TMEM273: variants seen among roughly 807,000 people sequenced by gnomAD.
The protein encoded by TMEM273 is transmembrane protein 273.
In TMEM273, 19 loss-of-function variants were observed where a neutral mutation model predicts 17.9. That is an observed-to-expected ratio of 1.06 (90% CI 0.74 to 1.55). The LOEUF (loss-of-function observed/expected upper bound fraction) is 1.55, where lower values mean the gene tolerates loss of function less well. Ranked by LOEUF, TMEM273 falls within the 40% of genes most tolerant of loss-of-function variation. The pLI is 0.00. For missense variants in TMEM273, 194 were observed against 155.6 expected, an observed-to-expected ratio of 1.25 and a Z score of -1.31; for synonymous variants, 66 against 62.0, an observed-to-expected ratio of 1.07 and a Z score of -0.31.
At chr10:49,179,446 G>T (rs1193762525) in intron 1 of TMEM273, among the ~76,000 whole-genome samples, 1 of 152,220 alleles carries the variant, frequency 6.6e-6, no homozygotes, top group Non-Finnish European at 1.5e-5. Flanking sequence ...AGGACTGTGT[G>T]TCTGAGGGAG....
At chr10:49,171,658 A>C (rs76663035) in intron 1 of TMEM273, among the ~76,000 whole-genome samples, 5,120 of 152,336 alleles carry the variant, frequency 0.034, 263 homozygotes, top group African/African-American at 0.11. Context: ...CTCTCCCAAC[A>C]GCAAGAAGCC....
At chr10:49,164,740 G>A (rs866162920) in intron 5 of TMEM273, among the ~76,000 whole-genome samples, 25 of 152,008 alleles carry the variant, frequency 1.6e-4, no homozygotes, top group African/African-American at 5.6e-4. Context: ...CCTTCCGCAC[G>A]TAGCCTGAGG....
At chr10:49,167,064 G>A in intron 2 of TMEM273, 55 bp from the exon 3 acceptor site, 1 of 1,598,234 alleles carries the variant, frequency 6.3e-7, no homozygotes, top group South Asian at 1.1e-5. Flanking sequence ...AGCTCCCTCT[G>A]CATTCCAGAT....
intron 6 of TMEM273, among the ~76,000 whole-genome samples, chr10:49,158,187 TG>T (rs1564617655): frequency 4.6e-5 from 7 of 152,260 alleles, no homozygotes; most frequent in African/African-American, 1.4e-4. Context: ...TAATTTTTTA[TG>T]AAAAAATTAT....
intron 3 of TMEM273, chr10:49,166,389 C>T (rs1305614937): frequency 8.6e-5 from 18 of 209,528 alleles, no homozygotes; most frequent in Middle Eastern, 1.9e-3. Flanking sequence ...TTCATCTTGA[C>T]CCACAAAGGC....
chr10:49,168,198 C>T (rs1846322715), intron 1 of TMEM273, among the ~76,000 whole-genome samples: 1 of 152,176 alleles, frequency 6.6e-6, no homozygotes, highest in East Asian at 1.9e-4. Context: ...AGCACAGTTT[C>T]CAAGACCTGA....
At chr10:49,186,217 C>A (rs556139543) in intron 1 of TMEM273, among the ~76,000 whole-genome samples, 75 of 152,256 alleles carry the variant, frequency 4.9e-4, no homozygotes, top group African/African-American at 1.8e-3. Context: ...TCATCCGTGT[C>A]AGCTCATAGA....
chr10:49,156,433 T>G (rs1355463631), intron 6 of TMEM273, among the ~76,000 whole-genome samples: 1 of 152,172 alleles, frequency 6.6e-6, no homozygotes, highest in Non-Finnish European at 1.5e-5. Context: ...GAAGAGAAGA[T>G]GAGTCAACAA....
chr10:49,184,395 G>A (rs958080223), intron 1 of TMEM273, among the ~76,000 whole-genome samples: 1 of 152,084 alleles, frequency 6.6e-6, no homozygotes, highest in Non-Finnish European at 1.5e-5. Context: ...GAAGATATTT[G>A]GAACACATGA....
chr10:49,172,850 T>C (rs1290628976), intron 1 of TMEM273, among the ~76,000 whole-genome samples: 3 of 151,960 alleles, frequency 2.0e-5, no homozygotes, highest in African/African-American at 7.3e-5. Context: ...ATGGGCAAAG[T>C]GGGGGAGCCA....
In TMEM273 at chr10:49,180,264, A is replaced by G. The variant is rs150405146; in HGVS notation, c.43+8030T>C. ...AGCAGTGATGAGCCTGGGTACTCCCAGCAGGGTGCTGTCTGCAAGTGCTAA... is the reference window on the plus strand; with the variant it reads ...AGCAGTGATGAGCCTGGGTACTCCCGGCAGGGTGCTGTCTGCAAGTGCTAA... On this transcript the variant is annotated intron_variant, in intron 1 of 6. Transcript: ENST00000374153. Among the ~76,000 whole-genome samples, 311 of 152,356 alleles carry G rather than the reference A, an allele frequency of 2.0e-3. 3 individuals are homozygous for G. The highest frequency in any genetic ancestry group is 7.3e-3 in the African/African-American group (303 of 41,584).
chr10:49,161,489 C>T lies in TMEM273; in HGVS notation c.372+110G>A, dbSNP rs569263443. 65 of 1,415,160 alleles carry T rather than the reference C, an allele frequency of 4.6e-5. No homozygotes were observed. In the South Asian group the frequency reaches 6.7e-4, roughly 15 times the overall value. 87.7% of individuals were successfully genotyped at this position (1,415,160 alleles called of 1,614,324 possible). On this transcript the variant is annotated intron_variant, in intron 6 of 6. Transcript: ENST00000374153. ...GGCTCCTGGCCATGCCATGGTTGCCCGTCCCACGTGGCCAGGGGAGGGAGA... is the reference window on the plus strand; with the variant it reads ...GGCTCCTGGCCATGCCATGGTTGCCTGTCCCACGTGGCCAGGGGAGGGAGA...
At position 49,163,993 on chromosome 10, in the gene TMEM273, A is replaced by T. The variant is rs112175668; in HGVS notation, c.348+1212T>A. Among the ~76,000 whole-genome samples, 404 of 152,212 alleles carry T rather than the reference A, an allele frequency of 2.7e-3. 1 individual carries two copies. Among genetic ancestry groups the T allele is most frequent in the African/African-American group, 9.0e-3 (375 of 41,526 alleles). On this transcript the variant is annotated intron_variant, in intron 5 of 6. Transcript: ENST00000374153. ...CGCTCCTTCAATAGACACTACTTGG[A>T]AGTTACCCAGTCCCTGGTCCCATGG...
At chr10:49,162,190 T>TTTGAAAA (rs1400293160) in intron 5 of TMEM273, among the ~76,000 whole-genome samples, 1 of 152,180 alleles carries the variant, frequency 6.6e-6, no homozygotes, top group East Asian at 1.9e-4. Context: ...CAGTGACTGC[T>TTTGAAAA]CATTCAGCAG....
intron 1 of TMEM273, among the ~76,000 whole-genome samples, chr10:49,173,309 G>A (rs140414002): frequency 1.2e-4 from 18 of 152,296 alleles, no homozygotes; most frequent in African/African-American, 1.7e-4. Flanking sequence ...TAATGACTTC[G>A]GTAGTGGGTC....
intron 1 of TMEM273, among the ~76,000 whole-genome samples, chr10:49,170,585 C>A (rs1005820143): frequency 6.6e-6 from 1 of 152,204 alleles, no homozygotes; most frequent in African/African-American, 2.4e-5. Flanking sequence ...CACTGCCACC[C>A]CAACTCCACC....
chr10:49,162,189 C>T (rs1318843760), intron 5 of TMEM273, among the ~76,000 whole-genome samples: 1 of 152,184 alleles, frequency 6.6e-6, no homozygotes, highest in East Asian at 1.9e-4. Context: ...ACAGTGACTG[C>T]TCATTCAGCA....
intron 5 of TMEM273, among the ~76,000 whole-genome samples, chr10:49,164,145 A>T (rs558078870): frequency 6.6e-6 from 1 of 152,244 alleles, no homozygotes; most frequent in African/African-American, 2.4e-5. Flanking sequence ...GTGTCCAGAA[A>T]CTTTCGGCTC....
intron 1 of TMEM273, among the ~76,000 whole-genome samples, chr10:49,175,407 G>T (rs1256225921): frequency 6.6e-6 from 1 of 152,212 alleles, no homozygotes; most frequent in African/African-American, 2.4e-5. Context: ...AGGCCACGGA[G>T]GGCCATGCAG....
Sources: gnomAD v4.1 joint callset for allele counts (sites outside exome capture counted in the v4.1 genomes callset) on GRCh38, gnomAD v4.1.1 for gene constraint, MANE v1.5 for transcripts, NCBI Gene and HGNC (gene_info 2026-07-23, HGNC 2026-07-21) for gene names.